HYDIN: variants seen among roughly 807,000 people sequenced by gnomAD.
HYDIN encodes the protein axonemal central pair apparatus protein HYDIN.
In HYDIN, 132 loss-of-function variants were observed where a neutral mutation model predicts 403.9. The observed-to-expected ratio is 0.33, with a 90% CI of 0.28 to 0.38. The LOEUF is 0.38. HYDIN is among the 10% of genes least tolerant of loss of function. The probability of loss-of-function intolerance (pLI) is 1.00; values close to 1 mark genes in which losing one functional copy is unlikely to be tolerated. For synonymous variants in HYDIN, 1,202 were observed against 1,891.7 expected, an observed-to-expected ratio of 0.64 and a Z score of 9.46; for missense variants, 2,827 against 5,009.5, an observed-to-expected ratio of 0.56 and a Z score of 13.15.
At chr16:71,163,647 T>C (rs938034864) in intron 5 of HYDIN, among the ~76,000 whole-genome samples, 1 of 152,190 alleles carries the variant, frequency 6.6e-6, no homozygotes, top group Non-Finnish European at 1.5e-5. Context: ...TCCAGCCTAC[T>C]GCAGGATGTG....
At chr16:71,223,510 A>G (rs1186051561) in intron 1 of HYDIN, among the ~76,000 whole-genome samples, 1 of 152,240 alleles carries the variant, frequency 6.6e-6, no homozygotes, top group African/African-American at 2.4e-5. Flanking sequence ...CTGCAAAGCA[A>G]AAGAAATAAT....
rs1257706197 is a variant in HYDIN at position 71,062,214 on chromosome 16, T to C, written c.2331A>G (p.Arg777=). 4 of 1,507,372 alleles carry C rather than the reference T, an allele frequency of 2.7e-6. No individual in the cohort carries two copies. The highest frequency in any genetic ancestry group is 2.7e-5 in the African/African-American group (2 of 73,128). 93.4% of individuals were successfully genotyped at this position (1,507,372 alleles called of 1,614,324 possible). Residue 777 remains arginine (R), a synonymous_variant, in exon 17 of 86, where the codon AGA becomes AGG. Coordinates refer to ENST00000393567, the MANE Select transcript of HYDIN (RefSeq NM_001270974.2). ...CAAAGATTGAGATGTAAACCGTGGA[T>C]CTGTGTTCTCCAGTGACCTGGGTCT... ...VLETQVTGEH[R]STVYISIFGS...
intron 12 of HYDIN, among the ~76,000 whole-genome samples, chr16:71,087,207 G>A (rs1006260671): frequency 2.0e-5 from 3 of 152,258 alleles, no homozygotes; most frequent in Admixed American, 1.3e-4. Flanking sequence ...CTTAGTTGTT[G>A]GGGGTTGTAT....
intron 9 of HYDIN, among the ~76,000 whole-genome samples, chr16:71,122,416 G>GT (rs2144491849): frequency 1.1e-5 from 1 of 91,126 alleles, no homozygotes; most frequent in South Asian, 4.7e-4. Context: ...TGGAGAAGCT[G>GT]TGACTTGTCA....
chr16:71,136,672 C>A (rs1268472293), intron 8 of HYDIN, among the ~76,000 whole-genome samples: 2 of 143,968 alleles, frequency 1.4e-5, no homozygotes, highest in Non-Finnish European at 3.0e-5. Context: ...GAGGCTGAGG[C>A]AGGAGAATTG....
rs780149924 is a variant in HYDIN at position 70,805,192 on chromosome 16, T to C, written c.*2388A>G. Among the ~76,000 whole-genome samples, 1 of 152,208 alleles carries C rather than the reference T, an allele frequency of 6.6e-6. No individual in the cohort carries two copies. Among genetic ancestry groups the C allele is most frequent in the African/African-American group, 2.4e-5 (1 of 41,446 alleles). On this transcript the variant is annotated 3_prime_UTR_variant, in exon 86 of 86. Coordinates refer to ENST00000393567, the MANE Select transcript of HYDIN (RefSeq NM_001270974.2). The stretch of plus-strand genomic sequence containing the variant: ...CAGATTTGGTAAGACTTCTCAGGAC[T>C]GTAATGAAAGAGTTATGGCTGTGGG...
intron 58 of HYDIN, 128 bp from the exon 59 acceptor site, chr16:70,884,252 G>A: frequency 1.2e-6 from 1 of 829,338 alleles, no homozygotes; most frequent in East Asian, 2.7e-5. Flanking sequence ...GGCACTCTCT[G>A]GGCCCTCTTT....
At chr16:70,930,325 A>C (rs1416565677) in intron 45 of HYDIN, among the ~76,000 whole-genome samples, 1 of 152,246 alleles carries the variant, frequency 6.6e-6, no homozygotes, top group East Asian at 1.9e-4. Flanking sequence ...TACTAAAAAT[A>C]CAAAAATTAG....
At chr16:71,134,856 C>T (rs1016190673) in intron 8 of HYDIN, among the ~76,000 whole-genome samples, 3 of 152,092 alleles carry the variant, frequency 2.0e-5, no homozygotes, top group African/African-American at 7.2e-5. Flanking sequence ...GAGAGAAGAG[C>T]AAGAAGTGCC....
At chr16:70,910,315 A>G (rs11860140) in intron 47 of HYDIN, among the ~76,000 whole-genome samples, 6,153 of 151,866 alleles carry the variant, frequency 0.041, 254 homozygotes, top group African/African-American at 0.14. Flanking sequence ...TGGCTACCAC[A>G]TATCAGTGAG....
At chr16:71,021,220 C>CA (rs1555615416) in intron 21 of HYDIN, among the ~76,000 whole-genome samples, 1 of 142,078 alleles carries the variant, frequency 7.0e-6, no homozygotes, top group Non-Finnish European at 1.6e-5. Context: ...TTTAATTTTT[C>CA]TTTTTTTTTT....
chr16:71,033,618 A>G, intron 18 of HYDIN, among the ~76,000 whole-genome samples: 1 of 140,604 alleles, frequency 7.1e-6, no homozygotes, highest in African/African-American at 2.7e-5. Flanking sequence ...ATCACACACC[A>G]GGGCGTGTCA....
Position 71,152,963 on chromosome 16 carries a change from A to G in HYDIN, c.717-180T>C, listed in dbSNP as rs2085600256. The G allele has an allele frequency of 2.4e-5, 13 of 539,010 alleles. No individual in the cohort carries two copies. In the Admixed American group the frequency reaches 4.2e-4, roughly 17 times the overall value. 33.4% of individuals were successfully genotyped at this position (539,010 alleles called of 1,614,324 possible). ...GAAAGAACTTTAGTTTTAATGTTAA[A>G]ATGACAGCATTAGATTAGCAAGCGT... On this transcript the variant is annotated intron_variant, in intron 6 of 85. Coordinates refer to ENST00000393567, the MANE Select transcript of HYDIN (RefSeq NM_001270974.2).
At chr16:70,997,965 A>C (rs1236851355) in intron 23 of HYDIN, among the ~76,000 whole-genome samples, 8 of 151,628 alleles carry the variant, frequency 5.3e-5, no homozygotes, top group Non-Finnish European at 8.8e-5. Flanking sequence ...TCCTCCCATC[A>C]ACAGATGGAG....
chr16:71,020,394 A>T lies in HYDIN; in HGVS notation c.3187-77T>A, dbSNP rs549716008. 5.7e-5 allele frequency: 86 copies of T among 1,515,372 alleles called. No homozygotes were observed. In the African/African-American group the frequency reaches 1.1e-3, roughly 20 times the overall value. The allele number at this position is 1,515,372 out of a possible 1,614,324, so 93.9% of individuals were successfully genotyped here. On this transcript the variant is annotated intron_variant, in intron 21 of 85. Transcript: ENST00000393567. Reference sequence around the variant, plus strand: ...GCTTTTAGCAACAAGTCTCAGGTTCATTGTTTAGAACAAATTTAGCAATCT... The same window carrying T: ...GCTTTTAGCAACAAGTCTCAGGTTCTTTGTTTAGAACAAATTTAGCAATCT...
intron 6 of HYDIN, among the ~76,000 whole-genome samples, chr16:71,158,888 A>G (rs1401028116): frequency 7.6e-6 from 1 of 131,408 alleles, no homozygotes; most frequent in African/African-American, 3.0e-5. Context: ...ACGGGGTTTT[A>G]CCATGTTGCC....
At chr16:70,938,843 G>T in intron 43 of HYDIN, 88 bp from the exon 44 acceptor site, 6 of 1,395,728 alleles carry the variant, frequency 4.3e-6, no homozygotes, top group Non-Finnish European at 5.9e-6. Context: ...GTCTTAGTGT[G>T]GGGCAGCTGG....
In HYDIN at chr16:71,089,271, A is replaced by G. The variant is rs1241181891; in HGVS notation, c.1447-747T>C. Among the ~76,000 whole-genome samples, 5 of 152,302 alleles carry G rather than the reference A, an allele frequency of 3.3e-5. No individual in the cohort carries two copies. The East Asian group carries it at 7.7e-4, about 24-fold the overall frequency. On this transcript the variant is annotated intron_variant, in intron 11 of 85. Transcript: ENST00000393567. ...GCACACTCGTGATATTAGGCGTCCT[A>G]CAAGGCAGGCCTCAGTCTACTGTCC...
At chr16:71,197,525 C>A (rs532922189) in intron 1 of HYDIN, among the ~76,000 whole-genome samples, 10 of 152,180 alleles carry the variant, frequency 6.6e-5, no homozygotes, top group African/African-American at 2.4e-4. Context: ...AGTGATATCA[C>A]CTTTTAAAAG....
Sources: gnomAD v4.1 joint callset for allele counts (sites outside exome capture counted in the v4.1 genomes callset) on GRCh38, gnomAD v4.1.1 for gene constraint, MANE v1.5 for transcripts, NCBI Gene and HGNC (gene_info 2026-07-23, HGNC 2026-07-21) for gene names.